CTNNA3: variants seen among roughly 807,000 people sequenced by gnomAD.
The protein encoded by CTNNA3 is catenin alpha-3.
Under a neutral mutation model 95.7 loss-of-function variants are expected in CTNNA3, and 76 were observed. That is an observed-to-expected ratio of 0.79 (90% CI 0.66 to 0.96). The LOEUF is 0.96. Ranked by LOEUF, CTNNA3 falls within the 40% of genes least tolerant of loss-of-function variation. CTNNA3 has a pLI of 0.00. For synonymous variants in CTNNA3, 431 were observed against 374.4 expected (o/e 1.15, Z -1.74); for missense variants, 1,191 against 1,089.8 (o/e 1.09, Z -1.31).
intron 10 of CTNNA3, among the ~76,000 whole-genome samples, chr10:66,604,709 T>C (rs1451789936): frequency 1.3e-5 from 2 of 150,724 alleles, no homozygotes; most frequent in Non-Finnish European, 2.9e-5. Flanking sequence ...CTCCCTAAAG[T>C]CTTCCAGAAA....
chr10:66,623,111 C>A (rs1844808781), intron 9 of CTNNA3, among the ~76,000 whole-genome samples: 1 of 152,008 alleles, frequency 6.6e-6, no homozygotes, highest in African/African-American at 2.4e-5. Context: ...AAAAGGGCAA[C>A]AGTTTCTGTG....
chr10:67,328,340 G>A (rs1189066617), intron 5 of CTNNA3, among the ~76,000 whole-genome samples: 1 of 152,142 alleles, frequency 6.6e-6, no homozygotes, highest in Non-Finnish European at 1.5e-5. Flanking sequence ...CCAGGCTGGG[G>A]CTCTGGGAAA....
intron 11 of CTNNA3, among the ~76,000 whole-genome samples, chr10:66,448,025 C>T (rs1190690953): frequency 6.6e-6 from 1 of 152,134 alleles, no homozygotes. Context: ...AGGATATGAG[C>T]AGATACTTCT....
At chr10:66,328,911 C>CATACATATATATATATATAT (rs1554935013) in intron 12 of CTNNA3, among the ~76,000 whole-genome samples, 1 of 86,492 alleles carries the variant, frequency 1.2e-5, no homozygotes, top group Non-Finnish European at 2.5e-5. Context: ...CACATATATA[C>CATACATATATATATATATAT]ATATATATAT....
intron 5 of CTNNA3, among the ~76,000 whole-genome samples, chr10:67,306,564 T>G (rs886890367): frequency 6.6e-6 from 1 of 152,116 alleles, no homozygotes; most frequent in African/African-American, 2.4e-5. Flanking sequence ...GAACAAGAGT[T>G]GGAAAGAAGT....
intron 13 of CTNNA3, among the ~76,000 whole-genome samples, chr10:66,179,966 A>G: frequency 6.6e-6 from 1 of 152,180 alleles, no homozygotes; most frequent in East Asian, 1.9e-4. Flanking sequence ...TAGATGTGCC[A>G]GCTTTGCTTT....
intron 11 of CTNNA3, among the ~76,000 whole-genome samples, chr10:66,418,556 GACAC>G (rs57694585): frequency 6.9e-6 from 1 of 144,482 alleles, no homozygotes; most frequent in Non-Finnish European, 1.5e-5. Flanking sequence ...AGCACACAGG[GACAC>G]ACACACACAC....
At chr10:65,952,574 T>C (rs901365821) in intron 17 of CTNNA3, among the ~76,000 whole-genome samples, 9 of 152,180 alleles carry the variant, frequency 5.9e-5, no homozygotes, top group African/African-American at 2.2e-4. Context: ...CCTGTTTTCT[T>C]TCTGTCTACA....
intron 16 of CTNNA3, among the ~76,000 whole-genome samples, chr10:65,986,107 A>G (rs1377379587): frequency 6.6e-6 from 1 of 151,446 alleles, no homozygotes; most frequent in African/African-American, 2.4e-5. Flanking sequence ...TAATTAAACT[A>G]CTAAGTGAAA....
At chr10:67,493,214 A>AGG (rs759534938) in intron 5 of CTNNA3, among the ~76,000 whole-genome samples, 5,730 of 151,088 alleles carry the variant, frequency 0.038, 123 homozygotes, top group South Asian at 0.098. Flanking sequence ...CGTGGGGGAA[A>AGG]AAAAAAAAAA....
At chr10:66,967,151 A>G (rs528501924) in intron 7 of CTNNA3, among the ~76,000 whole-genome samples, 1 of 152,038 alleles carries the variant, frequency 6.6e-6, no homozygotes, top group South Asian at 2.1e-4. Context: ...AAAATAGACT[A>G]TTTTTCTGGA....
chr10:67,364,551 C>T (rs1843134154), intron 5 of CTNNA3, among the ~76,000 whole-genome samples: 1 of 152,054 alleles, frequency 6.6e-6, no homozygotes, highest in East Asian at 1.9e-4. Context: ...AACCAATGTA[C>T]AAAAATCACA....
intron 12 of CTNNA3, among the ~76,000 whole-genome samples, chr10:66,329,938 A>C (rs900960435): frequency 4.6e-5 from 7 of 152,118 alleles, no homozygotes; most frequent in African/African-American, 1.7e-4. Flanking sequence ...ATATTGTGGA[A>C]TTGAATTTTT....
chr10:67,612,939 C>T (rs1372656107), intron 2 of CTNNA3, among the ~76,000 whole-genome samples: 2 of 152,162 alleles, frequency 1.3e-5, no homozygotes, highest in Non-Finnish European at 2.9e-5. Context: ...GTCTCACTGC[C>T]TCTGCACCAG....
At chr10:67,403,031 T>G (rs957156698) in intron 5 of CTNNA3, among the ~76,000 whole-genome samples, 1 of 152,168 alleles carries the variant, frequency 6.6e-6, no homozygotes, top group African/African-American at 2.4e-5. Flanking sequence ...AGTGCCTGCC[T>G]GAGATGGAAT....
intron 6 of CTNNA3, among the ~76,000 whole-genome samples, chr10:67,189,511 A>G (rs933042929): frequency 3.3e-5 from 5 of 150,502 alleles, no homozygotes; most frequent in Non-Finnish European, 5.9e-5. Flanking sequence ...GAGGTAGTGC[A>G]TATGTTAGTT....
intron 2 of CTNNA3, among the ~76,000 whole-genome samples, chr10:67,640,142 C>A (rs898024817): frequency 6.6e-6 from 1 of 152,180 alleles, no homozygotes; most frequent in African/African-American, 2.4e-5. Flanking sequence ...AGCTCATAAG[C>A]AACTACAGCA....
chr10:65,988,005 G>T, intron 16 of CTNNA3, among the ~76,000 whole-genome samples: 1 of 152,220 alleles, frequency 6.6e-6, no homozygotes, highest in East Asian at 1.9e-4. Flanking sequence ...TTAATGAATA[G>T]AATAATGGTT....
intron 7 of CTNNA3, among the ~76,000 whole-genome samples, chr10:67,090,204 G>A (rs1315112273): frequency 6.6e-6 from 1 of 151,978 alleles, no homozygotes; most frequent in Admixed American, 6.6e-5. Context: ...TTCGAGATTG[G>A]ACTCTTCTTT....
Sources: gnomAD v4.1 joint callset for allele counts (sites outside exome capture counted in the v4.1 genomes callset) on GRCh38, gnomAD v4.1.1 for gene constraint, MANE v1.5 for transcripts, NCBI Gene and HGNC (gene_info 2026-07-23, HGNC 2026-07-21) for gene names.